Variants in UTRN observed in about 807,000 individuals in gnomAD.
The protein encoded by UTRN is utrophin.
UTRN carries 283 observed loss-of-function variants against 463.9 expected under a neutral mutation model. The observed-to-expected ratio is 0.61, with a 90% confidence interval of 0.55 to 0.67. The LOEUF (loss-of-function observed/expected upper bound fraction) is 0.67. Ranked by LOEUF, UTRN falls within the 30% of genes least tolerant of loss-of-function variation. The pLI is 0.00. For missense variants in UTRN, 3,922 were observed against 4,084.3 expected (o/e 0.96, Z 1.08); for synonymous variants, 1,442 against 1,431.5 (o/e 1.01, Z -0.17).
At chr6:144,639,472 C>T (rs748747049) in intron 51 of UTRN, among the ~76,000 whole-genome samples, 34 of 152,164 alleles carry the variant, frequency 2.2e-4, no homozygotes, top group Admixed American at 3.9e-4. Flanking sequence ...TCCCTGAGCT[C>T]TAAATTATTA....
intron 2 of UTRN, among the ~76,000 whole-genome samples, chr6:144,322,609 T>G (rs1181467751): frequency 6.6e-6 from 1 of 152,166 alleles, no homozygotes; most frequent in Non-Finnish European, 1.5e-5. Context: ...TAAATGAAAC[T>G]AACATCCTGG....
At chr6:144,423,843 A>G (rs1785066475) in intron 5 of UTRN, 143 bp from the exon 6 acceptor site, 1 of 944,596 alleles carries the variant, frequency 1.1e-6, no homozygotes, top group Non-Finnish European at 1.6e-6. Context: ...TTGAGATTTA[A>G]GCTTACCTGA....
At chr6:144,776,592 C>A (rs1244778097) in intron 60 of UTRN, among the ~76,000 whole-genome samples, 1 of 152,140 alleles carries the variant, frequency 6.6e-6, no homozygotes, top group Non-Finnish European at 1.5e-5. Flanking sequence ...CAAAAGATTC[C>A]TGCTGCCCTC....
In UTRN at chr6:144,488,777, G is replaced by A. The variant is rs985573878; in HGVS notation, c.4077G>A (p.Gln1359=). 4 of 1,612,340 alleles carry A rather than the reference G, an allele frequency of 2.5e-6. No individual in the cohort carries two copies. In the African/African-American group the frequency reaches 4.0e-5, roughly 16 times the overall value. The stretch of plus-strand genomic sequence containing the variant: ...AGAGCTTGGGGGAGCTGGACAAACA[G>A]CTCACCACATACCTGACTGACAGGA... ...LQESLGELDK[Q]LTTYLTDRID... is the part of the protein sequence containing the mutation. Residue 1359 remains glutamine (Q), a synonymous_variant, in exon 30 of 75, where the codon CAG becomes CAA. Transcript: ENST00000367545.
intron 2 of UTRN, among the ~76,000 whole-genome samples, chr6:144,383,558 C>T (rs573130355): frequency 3.3e-5 from 5 of 152,278 alleles, no homozygotes; most frequent in African/African-American, 1.2e-4. Context: ...TAATTTTTAT[C>T]AGGGAAATAA....
chr6:144,548,421 A>C (rs1320081464), intron 46 of UTRN, among the ~76,000 whole-genome samples: 1 of 152,236 alleles, frequency 6.6e-6, no homozygotes, highest in Non-Finnish European at 1.5e-5. Context: ...ATTATGTTAT[A>C]GAATGTTGCA....
intron 50 of UTRN, among the ~76,000 whole-genome samples, chr6:144,569,229 T>C (rs1390345931): frequency 6.6e-6 from 1 of 152,052 alleles, no homozygotes; most frequent in Non-Finnish European, 1.5e-5. Context: ...TAAAATAACA[T>C]GTATAAGCTA....
chr6:144,656,214 C>T (rs760147507), intron 51 of UTRN, among the ~76,000 whole-genome samples: 7 of 152,156 alleles, frequency 4.6e-5, no homozygotes, highest in Non-Finnish European at 8.8e-5. Context: ...GGGAAAATGT[C>T]AACTACTTCA....
chr6:144,302,870 A>G (rs1195175625), intron 2 of UTRN, among the ~76,000 whole-genome samples: 3 of 152,188 alleles, frequency 2.0e-5, no homozygotes, highest in Non-Finnish European at 4.4e-5. Flanking sequence ...GATGATGAGA[A>G]AAGAGCAAGG....
chr6:144,378,555 A>G (rs533970997), intron 2 of UTRN, among the ~76,000 whole-genome samples: 1 of 152,330 alleles, frequency 6.6e-6, no homozygotes, highest in Non-Finnish European at 1.5e-5. Flanking sequence ...GGTTGAGAAC[A>G]GGGTGAAGGA....
At chr6:144,622,518 A>C (rs773556034) in intron 51 of UTRN, among the ~76,000 whole-genome samples, 6 of 152,144 alleles carry the variant, frequency 3.9e-5, no homozygotes, top group Non-Finnish European at 7.4e-5. Context: ...AAAAGATATA[A>C]GTATTTTTAT....
intron 56 of UTRN, among the ~76,000 whole-genome samples, chr6:144,753,471 T>G (rs1469285632): frequency 6.6e-6 from 1 of 151,616 alleles, no homozygotes; most frequent in East Asian, 1.9e-4. Flanking sequence ...ATTAAAAAAT[T>G]ACATATGTGG....
chr6:144,526,796 A>G (rs1156926637), intron 41 of UTRN, among the ~76,000 whole-genome samples: 3 of 122,830 alleles, frequency 2.4e-5, no homozygotes, highest in African/African-American at 9.3e-5. Context: ...TTTGAGATCT[A>G]TGCTTTATTG....
intron 65 of UTRN, among the ~76,000 whole-genome samples, chr6:144,811,764 A>G (rs1538400): frequency 0.59 from 89,967 of 151,434 alleles, 30,719 homozygotes; most frequent in East Asian, 0.95. Context: ...TGTTAAGAAT[A>G]TCTTTAAAAT....
chr6:144,416,771 CTGTTCA>C (rs1323443102), intron 3 of UTRN, among the ~76,000 whole-genome samples: 2 of 152,160 alleles, frequency 1.3e-5, no homozygotes, highest in South Asian at 4.1e-4. Flanking sequence ...AAGTTCAAGA[CTGTTCA>C]TTTATACCAT....
intron 9 of UTRN, among the ~76,000 whole-genome samples, chr6:144,432,366 C>G (rs1219318658): frequency 6.6e-6 from 1 of 152,242 alleles, no homozygotes; most frequent in Non-Finnish European, 1.5e-5. Context: ...CTCTCTCTCT[C>G]TTTCTGTCAC....
At chr6:144,381,726 A>G (rs1042959351) in intron 2 of UTRN, among the ~76,000 whole-genome samples, 1 of 152,248 alleles carries the variant, frequency 6.6e-6, no homozygotes, top group Non-Finnish European at 1.5e-5. Flanking sequence ...GTAAGATGTG[A>G]CTTGCTCCTC....
chr6:144,706,693 G>A (rs1785133978), intron 53 of UTRN: 1 of 152,002 alleles, frequency 6.6e-6, no homozygotes, highest in African/African-American at 2.4e-5. Context: ...TGACTGTGAG[G>A]GAAAATTTTC....
chr6:144,844,010 A>C (rs1424665770), intron 73 of UTRN, among the ~76,000 whole-genome samples: 2 of 152,168 alleles, frequency 1.3e-5, no homozygotes, highest in Non-Finnish European at 2.9e-5. Context: ...AAATGATGAA[A>C]AGTGTATTTT....
Sources: gnomAD v4.1 joint callset for allele counts (sites outside exome capture counted in the v4.1 genomes callset) on GRCh38, gnomAD v4.1.1 for gene constraint, MANE v1.5 for transcripts, NCBI Gene and HGNC (gene_info 2026-07-23, HGNC 2026-07-21) for gene names.